BRDT: variants seen among roughly 807,000 people sequenced by gnomAD.
The protein encoded by BRDT is bromodomain testis-specific protein.
A neutral mutation model predicts 113.9 loss-of-function variants in BRDT; 77 were observed. That is an observed-to-expected ratio of 0.68 (90% CI 0.56 to 0.82). The LOEUF is 0.82. BRDT is among the 40% of genes least tolerant of loss of function. BRDT has a pLI of 0.00. For synonymous variants in BRDT, 358 were observed against 366.5 expected (o/e 0.98, Z 0.26); for missense variants, 1,027 against 1,105.4 (o/e 0.93, Z 1.01).
At chr1:92,006,421 G>A (rs147261496) in intron 18 of BRDT, among the ~76,000 whole-genome samples, 1 of 151,750 alleles carries the variant, frequency 6.6e-6, no homozygotes, top group East Asian at 1.9e-4. Flanking sequence ...TGAGTTTCTT[G>A]TAGGCAACAT....
chr1:92,005,553 A>G (rs951651439), intron 18 of BRDT, among the ~76,000 whole-genome samples: 3 of 152,156 alleles, frequency 2.0e-5, no homozygotes, highest in Non-Finnish European at 4.4e-5. Flanking sequence ...TGGAGGCGGG[A>G]GGATCTTTTG....
chr1:91,967,743 G>A (rs1683219564), intron 3 of BRDT, among the ~76,000 whole-genome samples: 1 of 152,156 alleles, frequency 6.6e-6, no homozygotes, highest in Non-Finnish European at 1.5e-5. Flanking sequence ...ATGTTGGTCA[G>A]GCTGGTCTCG....
At chr1:91,996,271 C>T (rs1686322962) in intron 15 of BRDT, among the ~76,000 whole-genome samples, 1 of 152,078 alleles carries the variant, frequency 6.6e-6, no homozygotes, top group African/African-American at 2.4e-5. Flanking sequence ...TTTTTTGACA[C>T]AGAGTCTCGC....
intron 18 of BRDT, among the ~76,000 whole-genome samples, chr1:92,012,063 C>G (rs567676798): frequency 1.1e-4 from 17 of 152,238 alleles, no homozygotes; most frequent in South Asian, 2.1e-4. Context: ...AATCTTAACA[C>G]TTTGAGAGGC....
intron 12 of BRDT, among the ~76,000 whole-genome samples, chr1:91,985,481 C>T (rs1334512195): frequency 6.6e-6 from 1 of 151,980 alleles, no homozygotes. Context: ...AGGAGTGAGC[C>T]ATCATGCCTG....
chr1:91,989,392 G>A (rs1685567089), intron 12 of BRDT, among the ~76,000 whole-genome samples: 2 of 151,878 alleles, frequency 1.3e-5, no homozygotes, highest in African/African-American at 4.8e-5. Flanking sequence ...ACAGCTTCTG[G>A]CTCTGTCACC....
Position 91,981,313 on chromosome 1 carries a change from A to T in BRDT, c.1796A>T (p.Lys599Ile), listed in dbSNP as rs1684704197. 2 of 1,614,202 alleles carry T rather than the reference A, an allele frequency of 1.2e-6. No homozygotes were observed. Among genetic ancestry groups the T allele is most frequent in the Non-Finnish European group, 1.7e-6 (2 of 1,180,022 alleles). ...MSKEELHSQK[K>I]QELEKRLLDV... ...AAAGAAGAACTTCACTCACAGAAAAAACAGGAATTGGAAAAGCGGTTACTG... is the reference window on the plus strand; with the variant it reads ...AAAGAAGAACTTCACTCACAGAAAATACAGGAATTGGAAAAGCGGTTACTG... The change falls in exon 11 of 19, where the codon AAA becomes ATA. Residue 599 changes from lysine to isoleucine, a missense_variant. By Grantham distance (102) the Lys-to-Ile change is moderately radical (BLOSUM62 -3). Coordinates refer to ENST00000399546, the MANE Select transcript of BRDT (RefSeq NM_207189.4).
chr1:91,996,037 A>G (rs1686298136), intron 15 of BRDT, among the ~76,000 whole-genome samples: 1 of 152,190 alleles, frequency 6.6e-6, no homozygotes. Flanking sequence ...ACAAATATCC[A>G]AAGTATGAAA....
Position 92,004,435 on chromosome 1 carries a change from G to C in BRDT, c.2410G>C (p.Asp804His). Residue 804 changes from aspartate to histidine, a missense_variant, in exon 17 of 19, where the codon GAT becomes CAT. Physicochemically the swap from Asp to His is moderately conservative, Grantham distance 81 (BLOSUM62 -1). Coordinates refer to ENST00000399546, the MANE Select transcript of BRDT (RefSeq NM_207189.4). The stretch of plus-strand genomic sequence containing the variant: ...TTAGGATATAAAGATTAAGAATGCA[G>C]ATTCATGGAAAAGTTTAGGCAAACC... ...VQKDIKIKNA[D>H]SWKSLGKPVK... 1 of 1,608,160 alleles carries C rather than the reference G, an allele frequency of 6.2e-7. No homozygotes were observed. The highest frequency in any genetic ancestry group is 8.5e-7 in the Non-Finnish European group (1 of 1,178,468).
intron 1 of BRDT, among the ~76,000 whole-genome samples, chr1:91,952,926 T>G (rs1254142916): frequency 6.6e-6 from 1 of 152,106 alleles, no homozygotes; most frequent in East Asian, 1.9e-4. Context: ...ATTGAGTCAT[T>G]GTAAGGAATA....
At chr1:91,959,635 C>T (rs1025025308) in intron 1 of BRDT, among the ~76,000 whole-genome samples, 19 of 151,974 alleles carry the variant, frequency 1.3e-4, no homozygotes, top group African/African-American at 4.1e-4. Flanking sequence ...TGTGCACCAC[C>T]ACGCCTGACT....
intron 1 of BRDT, among the ~76,000 whole-genome samples, chr1:91,952,986 T>C (rs1681288936): frequency 6.6e-6 from 1 of 152,146 alleles, no homozygotes; most frequent in Non-Finnish European, 1.5e-5. Flanking sequence ...AGTTCTAGGG[T>C]ACATGTGCAC....
At chr1:91,956,307 G>GC (rs58057277) in intron 1 of BRDT, among the ~76,000 whole-genome samples, 433 of 149,270 alleles carry the variant, frequency 2.9e-3, no homozygotes, top group African/African-American at 9.7e-3. Context: ...GGTTCTTCCT[G>GC]CCCCCCCCCA....
In BRDT at chr1:92,009,163, C is replaced by T. The variant is rs181628448; in HGVS notation, c.2775+3864C>T. On this transcript the variant is annotated intron_variant, in intron 18 of 18. Transcript: ENST00000399546. ...TAATAAACTACCATTTCATTCTCTG[C>T]TTCTATGGGTTCAACTTTTTAAGAC... Among the ~76,000 whole-genome samples, 9 of 152,286 alleles carry T rather than the reference C, an allele frequency of 5.9e-5. No individual in the cohort carries two copies. The East Asian group carries it at 1.7e-3, about 29-fold the overall frequency.
At chr1:91,984,638 A>T (rs11165916) in intron 12 of BRDT, among the ~76,000 whole-genome samples, 144,599 of 152,200 alleles carry the variant, frequency 0.95, 69,084 homozygotes, top group Non-Finnish European at 1. Context: ...AAAAATAATT[A>T]AAAAAAATTT....
At chr1:91,980,241 T>A (rs183008023) in intron 8 of BRDT, among the ~76,000 whole-genome samples, 2 of 152,176 alleles carry the variant, frequency 1.3e-5, no homozygotes, top group Admixed American at 1.3e-4. Context: ...ACCATGTCTC[T>A]ACAAAAAAAT....
At chr1:91,989,837 T>C (rs1202847804) in intron 12 of BRDT, among the ~76,000 whole-genome samples, 1 of 152,226 alleles carries the variant, frequency 6.6e-6, no homozygotes. Flanking sequence ...AGGATGTCAT[T>C]GAGTGGCATT....
intron 4 of BRDT, among the ~76,000 whole-genome samples, chr1:91,973,288 C>A (rs1167481509): frequency 2.0e-5 from 3 of 152,074 alleles, no homozygotes; most frequent in Non-Finnish European, 4.4e-5. Flanking sequence ...TCCATATGAA[C>A]TTTAAAGTAG....
In BRDT at chr1:92,005,165, C is replaced by A. The variant is rs2101811122; in HGVS notation, c.2641C>A (p.Gln881Lys). Residue 881 changes from glutamine (Q) to lysine (K), a missense_variant, in exon 18 of 19, where the codon CAA (glutamine) becomes AAA (lysine). Transcript: ENST00000399546. ...LTVESFSNKIQNKCSGEEQKE... is the reference protein window; with the variant it reads ...LTVESFSNKIKNKCSGEEQKE... ...TGTAGAATCTTTTTCAAATAAAATACAAAACAAGTGCTCTGGAGAAGAGCA... is the reference window on the plus strand; with the variant it reads ...TGTAGAATCTTTTTCAAATAAAATAAAAAACAAGTGCTCTGGAGAAGAGCA... 2 of 1,544,632 alleles carry A rather than the reference C, an allele frequency of 1.3e-6. No individual in the cohort carries two copies. The highest frequency in any genetic ancestry group is 2.5e-5 in the East Asian group (1 of 40,816).
Sources: gnomAD v4.1 joint callset for allele counts (sites outside exome capture counted in the v4.1 genomes callset) on GRCh38, gnomAD v4.1.1 for gene constraint, MANE v1.5 for transcripts, NCBI Gene and HGNC (gene_info 2026-07-23, HGNC 2026-07-21) for gene names.